Variants in HNRNPLL observed in about 807,000 individuals in gnomAD.
HNRNPLL encodes heterogeneous nuclear ribonucleoprotein L-like.
In HNRNPLL, 25 loss-of-function variants were observed where a neutral mutation model predicts 67.1. That is an observed-to-expected ratio of 0.37 (90% CI 0.27 to 0.52). The LOEUF is 0.52. HNRNPLL is among the 20% of genes least tolerant of loss of function. The pLI is 0.90. For synonymous variants in HNRNPLL, 267 were observed against 241.7 expected (o/e 1.10, Z -0.97); for missense variants, 542 against 673.9 (o/e 0.80, Z 2.17).
At chr2:38,582,218 T>C (rs918360085) in intron 4 of HNRNPLL, 50 bp from the exon 5 acceptor site, 6 of 1,153,394 alleles carry the variant, frequency 5.2e-6, no homozygotes, top group Non-Finnish European at 6.6e-6. Context: ...ACTTAATCAT[T>C]ATTCACTCCC....
In HNRNPLL at chr2:38,585,933, A is replaced by G. The variant is rs556792734; in HGVS notation, c.309-52T>C. On this transcript the variant is annotated intron_variant, in intron 2 of 12. Coordinates refer to ENST00000449105, the MANE Select transcript of HNRNPLL (RefSeq NM_138394.4). Reference sequence around the variant, plus strand: ...CACAAACACAGCAAGTTCCGTTAACATTATTTGTCCTCAATTAAGTAAAAG... The same window carrying G: ...CACAAACACAGCAAGTTCCGTTAACGTTATTTGTCCTCAATTAAGTAAAAG... The G allele has an allele frequency of 5.5e-5, 59 of 1,071,200 alleles. 1 individual carries two copies. In the South Asian group the frequency reaches 7.3e-4, roughly 13 times the overall value. 66.4% of individuals were successfully genotyped at this position (1,071,200 alleles called of 1,614,324 possible). A position where few individuals can be genotyped will look rare whatever the true frequency, so the allele number is the denominator to read the frequency against.
chr2:38,564,637 A>AG (rs1665784253), intron 12 of HNRNPLL, among the ~76,000 whole-genome samples: 10 of 150,172 alleles, frequency 6.7e-5, no homozygotes, highest in Non-Finnish European at 7.4e-5. Context: ...AAAAAAAAAA[A>AG]GTAAAATTTC....
intron 1 of HNRNPLL, chr2:38,599,875 A>C: frequency 2.1e-6 from 1 of 470,968 alleles, no homozygotes; most frequent in Non-Finnish European, 4.4e-6. Flanking sequence ...AGAGTTGAAA[A>C]GAATGCCATC....
chr2:38,585,335 C>T (rs1433114053), intron 3 of HNRNPLL, among the ~76,000 whole-genome samples: 5 of 152,090 alleles, frequency 3.3e-5, no homozygotes, highest in East Asian at 1.9e-4. Flanking sequence ...CTGGCATATG[C>T]GTGACAGAGA....
chr2:38,588,893 G>C (rs1295996562), intron 2 of HNRNPLL, among the ~76,000 whole-genome samples: 11 of 152,184 alleles, frequency 7.2e-5, no homozygotes, highest in Non-Finnish European at 1.3e-4. Flanking sequence ...AGATCACAGA[G>C]AGAAAAGGCT....
intron 1 of HNRNPLL, among the ~76,000 whole-genome samples, chr2:38,596,654 AC>A (rs1667204814): frequency 6.6e-6 from 1 of 151,758 alleles, no homozygotes; most frequent in Admixed American, 6.6e-5. Context: ...TTTTGTTTTT[AC>A]CCCCCAACAA....
intron 2 of HNRNPLL, among the ~76,000 whole-genome samples, chr2:38,588,698 TACAG>T (rs1209252538): frequency 6.6e-6 from 1 of 152,106 alleles, no homozygotes; most frequent in Non-Finnish European, 1.5e-5. Context: ...ACTAAAATGT[TACAG>T]ACATTTTAGC....
At chr2:38,577,363 C>T (rs771909996) in intron 7 of HNRNPLL, 98 bp downstream of exon 7, 41 of 786,470 alleles carry the variant, frequency 5.2e-5, no homozygotes, top group African/African-American at 2.0e-4. Context: ...GAGGCAGATA[C>T]GCAGGAAAAA....
intron 1 of HNRNPLL, chr2:38,599,929 G>A (rs765191130): frequency 2.1e-6 from 1 of 470,560 alleles, no homozygotes. Flanking sequence ...GACCACAAAG[G>A]TATTTCTTCT....
rs768851888 is a variant in HNRNPLL at position 38,602,421 on chromosome 2, G to A, written c.189+17C>T. 1.3e-6 allele frequency: 2 copies of A among 1,544,086 alleles called. No homozygotes were observed. Among genetic ancestry groups the A allele is most frequent in the Admixed American group, 3.8e-5 (2 of 52,286 alleles). ...GAGCAGCCAGGCACAGCGGACAGGG[G>A]GGCCGCGCTTTGTTACCGGCTGAGA... On this transcript the variant is annotated intron_variant, in intron 1 of 12. Transcript: ENST00000449105.
intron 6 of HNRNPLL, chr2:38,581,001 T>C (rs990889669): frequency 6.6e-6 from 1 of 152,232 alleles, no homozygotes; most frequent in African/African-American, 2.4e-5. Context: ...TTTCATTATG[T>C]TAGAATTTCT....
chr2:38,588,110 TA>T (rs1433830027), intron 2 of HNRNPLL, among the ~76,000 whole-genome samples: 1 of 152,170 alleles, frequency 6.6e-6, no homozygotes, highest in Non-Finnish European at 1.5e-5. Flanking sequence ...GTGAGCCGAT[TA>T]AACCTCTCTT....
intron 7 of HNRNPLL, among the ~76,000 whole-genome samples, chr2:38,576,409 G>C (rs965990798): frequency 6.6e-6 from 1 of 151,638 alleles, no homozygotes. Context: ...GAATAACTAA[G>C]AAAAATAATC....
rs751705724 is a variant in HNRNPLL, at chr2:38,568,212, C to G, written c.1560G>C (p.Gln520His). Residue 520 changes from glutamine to histidine, a missense_variant, in exon 12 of 13, where the codon CAG (glutamine) becomes CAC (histidine). Gln to His is a conservative substitution (Grantham distance 24, BLOSUM62 0). Coordinates refer to ENST00000449105, the MANE Select transcript of HNRNPLL (RefSeq NM_138394.4). ...CATTTTACTTACTCGGCACTCTTAT[C>G]TGATAGTGATTCAGTGCCGTAAGGG... ...VEALTALNHY[Q>H]IRVPNGSNPY... 15 of 1,607,312 alleles carry G rather than the reference C, an allele frequency of 9.3e-6. No homozygotes were observed. The highest frequency in any genetic ancestry group is 1.7e-6 in the Non-Finnish European group (2 of 1,174,342).
chr2:38,583,022 C>T (rs2148361212), intron 4 of HNRNPLL, among the ~76,000 whole-genome samples: 1 of 152,192 alleles, frequency 6.6e-6, no homozygotes, highest in East Asian at 1.9e-4. Context: ...CAAAGGACAA[C>T]TTGCAACCTT....
At chr2:38,592,368 T>C (rs1257513500) in intron 1 of HNRNPLL, among the ~76,000 whole-genome samples, 1 of 152,262 alleles carries the variant, frequency 6.6e-6, no homozygotes, top group Non-Finnish European at 1.5e-5. Context: ...AATATACTTA[T>C]CTTTCCTGTA....
intron 6 of HNRNPLL, among the ~76,000 whole-genome samples, chr2:38,579,148 T>A (rs533271381): frequency 6.6e-6 from 1 of 152,136 alleles, no homozygotes; most frequent in Admixed American, 6.5e-5. Flanking sequence ...CAGTGTGCTA[T>A]AAAGGAAAGA....
rs187306085 is a variant in HNRNPLL, at chr2:38,567,186, C to T, written c.1573+1013G>A. Reference sequence around the variant, plus strand: ...TGGCGTGATCTCGTCTCACTGCAACCTCACCTCCCAGGTTCAAGCAATTCT... The same window carrying T: ...TGGCGTGATCTCGTCTCACTGCAACTTCACCTCCCAGGTTCAAGCAATTCT... On this transcript the variant is annotated intron_variant, in intron 12 of 12. Transcript: ENST00000449105. Among the ~76,000 whole-genome samples the T allele has an allele frequency of 2.6e-3, 400 of 152,248 alleles. 3 individuals are homozygous for T. Among genetic ancestry groups the T allele is most frequent in the African/African-American group, 9.0e-3 (376 of 41,558 alleles).
At chr2:38,591,720 A>G in intron 1 of HNRNPLL, 72 bp from the exon 2 acceptor site, 1 of 911,992 alleles carries the variant, frequency 1.1e-6, no homozygotes, top group Non-Finnish European at 1.8e-6. Context: ...TCACGCCTGT[A>G]ATCCCTGCAC....
Sources: allele counts gnomAD v4.1 joint callset (sites outside exome capture counted in the v4.1 genomes callset), GRCh38; gene constraint gnomAD v4.1.1; transcripts MANE v1.5; gene names NCBI Gene and HGNC (gene_info 2026-07-23, HGNC 2026-07-21).